The following TIMM10B variants were observed in gnomAD, a reference collection of about 807,000 sequenced individuals.
The protein encoded by TIMM10B is translocase of inner mitochondrial membrane 10B.
TIMM10B carries 17 observed loss-of-function variants against 12.6 expected under a neutral mutation model. That is an observed-to-expected ratio of 1.35 (90% CI 0.92 to 2.03). The LOEUF is 2.03. Ranked by LOEUF, TIMM10B falls within the 30% of genes most tolerant of loss-of-function variation. The probability of loss-of-function intolerance (pLI) is 0.00; values close to 1 mark genes in which losing one functional copy is unlikely to be tolerated. For missense variants in TIMM10B, 165 were observed against 133.3 expected, an observed-to-expected ratio of 1.24 and a Z score of -1.17; for synonymous variants, 63 against 51.3, an observed-to-expected ratio of 1.23 and a Z score of -0.97.
intron 1 of TIMM10B, 69 bp from the exon 2 acceptor site, chr11:6,481,688 G>A: frequency 6.2e-7 from 1 of 1,605,896 alleles, no homozygotes; most frequent in South Asian, 1.1e-5. Context: ...GGGAAACTTT[G>A]GGCGGCGCGA....
intron 2 of TIMM10B, 53 bp from the exon 3 acceptor site, chr11:6,481,992 G>T: frequency 6.3e-7 from 1 of 1,595,652 alleles, no homozygotes. Flanking sequence ...AAGAAAGGAG[G>T]CGGACCCGAC....
In TIMM10B at chr11:6,484,569, C is replaced by T. The variant is rs1454507715; in HGVS notation, c.*2348C>T. ...ATGCAAGTAAAACAGGTTTGAACTT[C>T]TTAACTTCCAGAAGATAGGAGGATG... On this transcript the variant is annotated 3_prime_UTR_variant, in exon 3 of 3. Coordinates refer to ENST00000254616, the MANE Select transcript of TIMM10B (RefSeq NM_012192.4). 6.6e-6 allele frequency: 1 copy of T among 152,208 alleles called. No homozygotes were observed. Among genetic ancestry groups the T allele is most frequent in the African/African-American group, 2.4e-5 (1 of 41,442 alleles). 9.4% of individuals were successfully genotyped at this position (152,208 alleles called of 1,614,324 possible).
rs1214799812 is a variant in TIMM10B, at chr11:6,484,363, A to G, written c.*2142A>G. On this transcript the variant is annotated 3_prime_UTR_variant, in exon 3 of 3. Coordinates refer to ENST00000254616, the MANE Select transcript of TIMM10B (RefSeq NM_012192.4). ...CGCCTCGGCCTCCAAAAGTGCTGGG[A>G]TTACAGGTGTGAGCCACCACGGCCG... 1 of 152,192 alleles carries G rather than the reference A, an allele frequency of 6.6e-6. No individual in the cohort carries two copies. The highest frequency in any genetic ancestry group is 1.5e-5 in the Non-Finnish European group (1 of 68,068). 9.4% of individuals were successfully genotyped at this position (152,192 alleles called of 1,614,324 possible). A position where few individuals can be genotyped will look rare whatever the true frequency, so the allele number is the denominator to read the frequency against.
In TIMM10B at chr11:6,482,445, G is replaced by T. The variant is rs913367882; in HGVS notation, c.*224G>T. On this transcript the variant is annotated 3_prime_UTR_variant, in exon 3 of 3. Coordinates refer to ENST00000254616, the MANE Select transcript of TIMM10B (RefSeq NM_012192.4). Reference sequence around the variant, plus strand: ...CTTTATTGGCACAATCCGTTGTTCTGTCGTTTAGTGCATATCTGCTGGCTT... The same window carrying T: ...CTTTATTGGCACAATCCGTTGTTCTTTCGTTTAGTGCATATCTGCTGGCTT... 1.1e-5 allele frequency: 6 copies of T among 539,614 alleles called. No homozygotes were observed. The highest frequency in any genetic ancestry group is 9.2e-5 in the Admixed American group (3 of 32,488). 33.4% of individuals were successfully genotyped at this position (539,614 alleles called of 1,614,324 possible).
rs901036322 is a variant in TIMM10B, at chr11:6,482,596, C to A, written c.*375C>A. On this transcript the variant is annotated 3_prime_UTR_variant, in exon 3 of 3. Coordinates refer to ENST00000254616, the MANE Select transcript of TIMM10B (RefSeq NM_012192.4). ...CGGGTAATATGTCATGCTCTTAGTT[C>A]ATCTTCACAACAAAACTATGAGTAA... 14 of 190,044 alleles carry A rather than the reference C, an allele frequency of 7.4e-5. No individual in the cohort carries two copies. Among genetic ancestry groups the A allele is most frequent in the African/African-American group, 3.2e-4 (14 of 43,224 alleles). The allele number at this position is 190,044 out of a possible 1,614,324, so 11.8% of individuals were successfully genotyped here.
chr11:6,481,909 C>T (rs1046674659), intron 2 of TIMM10B, 57 bp downstream of exon 2: 1 of 1,605,698 alleles, frequency 6.2e-7, no homozygotes, highest in Non-Finnish European at 8.5e-7. Context: ...TAGACTGCTT[C>T]CCTCCTCACC....
chr11:6,481,890 G>A lies in TIMM10B; in HGVS notation c.135+38G>A, dbSNP rs761556423. On this transcript the variant is annotated intron_variant, in intron 2 of 2. Coordinates refer to ENST00000254616, the MANE Select transcript of TIMM10B (RefSeq NM_012192.4). ...GTAGGGAGGTTACGCTGCAAGAAGA[G>A]TTTAGCGGTAGACTGCTTCCCTCCT... 2.5e-6 allele frequency: 4 copies of A among 1,611,814 alleles called. No individual in the cohort carries two copies. In the Admixed American group the frequency reaches 6.7e-5, roughly 27 times the overall value.
In TIMM10B at chr11:6,481,522, G is replaced by C; in HGVS notation, c.6G>C (p.Glu2Asp). Reference sequence around the variant, plus strand: ...CGGCATGCGCCGGTGGCGTGATGGAGCGGCAGCAGCAGCAGCAACAGCAAC... The same window carrying C: ...CGGCATGCGCCGGTGGCGTGATGGACCGGCAGCAGCAGCAGCAACAGCAAC... M[E>D]RQQQQQQQLR... Residue 2 changes from glutamate (E) to aspartate (D), a missense_variant, in exon 1 of 3, where the codon GAG (glutamate) becomes GAC (aspartate). Transcript: ENST00000254616. 1 of 1,612,506 alleles carries C rather than the reference G, an allele frequency of 6.2e-7. No individual in the cohort carries two copies. Among genetic ancestry groups the C allele is most frequent in the Non-Finnish European group, 8.5e-7 (1 of 1,179,724 alleles).
Position 6,481,507 on chromosome 11 carries a change from C to G in TIMM10B, c.-10C>G, listed in dbSNP as rs568485263. 1.9e-6 allele frequency: 3 copies of G among 1,613,012 alleles called. No homozygotes were observed. Among genetic ancestry groups the G allele is most frequent in the Non-Finnish European group, 2.5e-6 (3 of 1,179,876 alleles). On this transcript the variant is annotated 5_prime_UTR_variant, in exon 1 of 3. Transcript: ENST00000254616. Reference sequence around the variant, plus strand: ...AACGGAAGTGGCGTACGGCATGCGCCGGTGGCGTGATGGAGCGGCAGCAGC... The same window carrying G: ...AACGGAAGTGGCGTACGGCATGCGCGGGTGGCGTGATGGAGCGGCAGCAGC...
In TIMM10B at chr11:6,482,773, A is replaced by T. The variant is rs1005287628; in HGVS notation, c.*552A>T. The stretch of plus-strand genomic sequence containing the variant: ...TAAGTCTGACTGACTTCAGTGGCTC[A>T]TAACCGTGAGCCAAGTATTTGTTGG... On this transcript the variant is annotated 3_prime_UTR_variant, in exon 3 of 3. Transcript: ENST00000254616. 3.3e-5 allele frequency: 5 copies of T among 153,488 alleles called. No individual in the cohort carries two copies. The highest frequency in any genetic ancestry group is 1.2e-4 in the African/African-American group (5 of 41,468). The allele number at this position is 153,488 out of a possible 1,614,324, so 9.5% of individuals were successfully genotyped here. A position where few individuals can be genotyped will look rare whatever the true frequency, so the allele number is the denominator to read the frequency against.
rs544282619 is a variant in TIMM10B, at chr11:6,483,437, C to T, written c.*1216C>T. The T allele has an allele frequency of 2.0e-5, 3 of 152,332 alleles. No homozygotes were observed. Among genetic ancestry groups the T allele is most frequent in the East Asian group, 3.9e-4 (2 of 5,186 alleles). The allele number at this position is 152,332 out of a possible 1,614,324, so 9.4% of individuals were successfully genotyped here. On this transcript the variant is annotated 3_prime_UTR_variant, in exon 3 of 3. Coordinates refer to ENST00000254616, the MANE Select transcript of TIMM10B (RefSeq NM_012192.4). ...ATTCCATCACCCCATTTTCTTGCCA[C>T]CATTGGCCATCTTTTTGTATCATTC...
rs560296142 is a variant in TIMM10B at position 6,484,050 on chromosome 11, G to A, written c.*1829G>A. 3.3e-5 allele frequency: 5 copies of A among 151,922 alleles called. No individual in the cohort carries two copies. The highest frequency in any genetic ancestry group is 7.4e-5 in the Non-Finnish European group (5 of 67,996). 9.4% of individuals were successfully genotyped at this position (151,922 alleles called of 1,614,324 possible). On this transcript the variant is annotated 3_prime_UTR_variant, in exon 3 of 3. Transcript: ENST00000254616. ...AGCAAGAATCCAGAATGTGCCAGAA[G>A]GCACATTCTGCAGATTTCGTGCAAA...
Position 6,482,167 on chromosome 11 carries a change from G to T in TIMM10B, c.258G>T (p.Ser86=), listed in dbSNP as rs114080127. 1 of 1,611,262 alleles carries T rather than the reference G, an allele frequency of 6.2e-7. No individual in the cohort carries two copies. Among genetic ancestry groups the T allele is most frequent in the Non-Finnish European group, 8.5e-7 (1 of 1,179,972 alleles). Residue 86 remains serine (S), a synonymous_variant, in exon 3 of 3, where the codon TCG becomes TCT. Transcript: ENST00000254616. ...QRRIADYEAA[S]AVPGVAAEQP... Reference sequence around the variant, plus strand: ...GCATCGCAGACTACGAGGCTGCCTCGGCTGTGCCAGGCGTTGCTGCTGAAC... The same window carrying T: ...GCATCGCAGACTACGAGGCTGCCTCTGCTGTGCCAGGCGTTGCTGCTGAAC...
rs1851890019 is a variant in TIMM10B, at chr11:6,484,497, A to G, written c.*2276A>G. ...TTTGTTAGGAAGGTAAAAGTTGCTGACTAGGACCTTACCCACAGGGTGGCA... is the reference window on the plus strand; with the variant it reads ...TTTGTTAGGAAGGTAAAAGTTGCTGGCTAGGACCTTACCCACAGGGTGGCA... On this transcript the variant is annotated 3_prime_UTR_variant, in exon 3 of 3. Transcript: ENST00000254616. 1.3e-5 allele frequency: 2 copies of G among 152,208 alleles called. No individual in the cohort carries two copies. The highest frequency in any genetic ancestry group is 4.1e-4 in the South Asian group (2 of 4,832). 9.4% of individuals were successfully genotyped at this position (152,208 alleles called of 1,614,324 possible).
At chr11:6,481,637 G>T (rs1003881127) in intron 1 of TIMM10B, 82 bp downstream of exon 1, 1 of 1,575,510 alleles carries the variant, frequency 6.3e-7, no homozygotes, top group Non-Finnish European at 8.6e-7. Flanking sequence ...CAGGGCCAGG[G>T]ATTTGAGGGC....
At chr11:6,481,669 C>T (rs997125843) in intron 1 of TIMM10B, 88 bp from the exon 2 acceptor site, 2 of 1,593,716 alleles carry the variant, frequency 1.3e-6, no homozygotes, top group South Asian at 2.2e-5. Context: ...GGCTATGGCG[C>T]GCGGGCCTGG....
Position 6,482,259 on chromosome 11 carries a change from C to G in TIMM10B, c.*38C>G. 1 of 1,564,754 alleles carries G rather than the reference C, an allele frequency of 6.4e-7. No homozygotes were observed. The highest frequency in any genetic ancestry group is 8.7e-7 in the Non-Finnish European group (1 of 1,152,192). On this transcript the variant is annotated 3_prime_UTR_variant, in exon 3 of 3. Coordinates refer to ENST00000254616, the MANE Select transcript of TIMM10B (RefSeq NM_012192.4). ...CCAGGAAGGAAGGCCTTGGATGGACCCTCAGATTGAAGGACCCGGTGGACC... is the reference window on the plus strand; with the variant it reads ...CCAGGAAGGAAGGCCTTGGATGGACGCTCAGATTGAAGGACCCGGTGGACC...
Position 6,481,508 on chromosome 11 carries a change from G to C in TIMM10B, c.-9G>C. 6.2e-7 allele frequency: 1 copy of C among 1,612,954 alleles called. No individual in the cohort carries two copies. Among genetic ancestry groups the C allele is most frequent in the Non-Finnish European group, 8.5e-7 (1 of 1,179,892 alleles). Reference sequence around the variant, plus strand: ...ACGGAAGTGGCGTACGGCATGCGCCGGTGGCGTGATGGAGCGGCAGCAGCA... The same window carrying C: ...ACGGAAGTGGCGTACGGCATGCGCCCGTGGCGTGATGGAGCGGCAGCAGCA... On this transcript the variant is annotated 5_prime_UTR_variant, in exon 1 of 3. Transcript: ENST00000254616.
rs896116134 is a variant in TIMM10B at position 6,484,426 on chromosome 11, A to T, written c.*2205A>T. The T allele has an allele frequency of 1.3e-5, 2 of 152,170 alleles. No individual in the cohort carries two copies. Among genetic ancestry groups the T allele is most frequent in the African/African-American group, 4.8e-5 (2 of 41,434 alleles). 9.4% of individuals were successfully genotyped at this position (152,170 alleles called of 1,614,324 possible). A position where few individuals can be genotyped will look rare whatever the true frequency, so the allele number is the denominator to read the frequency against. On this transcript the variant is annotated 3_prime_UTR_variant, in exon 3 of 3. Transcript: ENST00000254616. ...TTTCTTATTGAGAAAAGTGGTTCCAATCATGTTTTTTGCCCCCTTTAGCTG... is the reference window on the plus strand; with the variant it reads ...TTTCTTATTGAGAAAAGTGGTTCCATTCATGTTTTTTGCCCCCTTTAGCTG...
Sources: allele counts gnomAD v4.1 joint callset, GRCh38; gene constraint gnomAD v4.1.1; transcripts MANE v1.5; gene names NCBI Gene and HGNC (gene_info 2026-07-23, HGNC 2026-07-21).